Variants in HIPK2 observed in about 807,000 individuals in gnomAD.
The protein encoded by HIPK2 is homeodomain interacting protein kinase 2, also known as homeodomain-interacting protein kinase 2.
In HIPK2, 27 loss-of-function variants were observed where a neutral mutation model predicts 113.7. The observed-to-expected ratio is 0.24, with a 90% confidence interval of 0.17 to 0.33. The LOEUF is 0.33. Among genes scored for constraint, HIPK2 ranks in the 10% least tolerant of loss-of-function variants. The pLI, the probability that HIPK2 is intolerant of heterozygous loss-of-function variation, is 1.00. For missense variants in HIPK2, 1,257 were observed against 1,588.0 expected (o/e 0.79, Z 3.54); for synonymous variants, 631 against 642.2 (o/e 0.98, Z 0.26).
chr7:139,561,793 C>G lies in HIPK2; in HGVS notation c.*11134G>C, dbSNP rs1797956375. The G allele has an allele frequency of 6.8e-6, 1 of 147,612 alleles. No homozygotes were observed. The highest frequency in any genetic ancestry group is 2.5e-5 in the African/African-American group (1 of 40,508). 9.1% of individuals were successfully genotyped at this position (147,612 alleles called of 1,614,324 possible). A position where few individuals can be genotyped will look rare whatever the true frequency, so the allele number is the denominator to read the frequency against. ...TCTCACCCTACAGTTAGTAATATTA[C>G]AATTAAAATAACTATATTCTTCTAT... On this transcript the variant is annotated 3_prime_UTR_variant, in exon 15 of 15. Transcript: ENST00000406875.
intron 1 of HIPK2, among the ~76,000 whole-genome samples, chr7:139,773,839 T>C (rs1371527997): frequency 1.3e-5 from 2 of 152,194 alleles, no homozygotes; most frequent in East Asian, 3.9e-4. Flanking sequence ...TGTTTAGGAA[T>C]GGATCTTGGT....
rs774696621 is a variant in HIPK2, at chr7:139,613,109, C to G, written c.2112+93G>C. ...ATGACTAGAAGCACCTAACTCATTA[C>G]TAGGGAGAGAGGGAGTGGAGATATA... On this transcript the variant is annotated intron_variant, in intron 9 of 14. Transcript: ENST00000406875. The surrounding 1 kb of genome is among the most constrained non-coding windows in gnomAD (Gnocchi z 4.2). 2.7e-6 allele frequency: 4 copies of G among 1,465,940 alleles called. No individual in the cohort carries two copies. Among genetic ancestry groups the G allele is most frequent in the Non-Finnish European group, 3.7e-6 (4 of 1,075,370 alleles). The allele number at this position is 1,465,940 out of a possible 1,614,324, so 90.8% of individuals were successfully genotyped here.
At chr7:139,662,089 G>A (rs1262081741) in intron 2 of HIPK2, among the ~76,000 whole-genome samples, 2 of 152,146 alleles carry the variant, frequency 1.3e-5, no homozygotes, top group Non-Finnish European at 2.9e-5. Flanking sequence ...ACCCACAAAC[G>A]TGCTAAAAAG....
intron 10 of HIPK2, 25 bp from the exon 11 acceptor site, chr7:139,600,621 G>A (rs1434741034): frequency 6.2e-7 from 1 of 1,611,372 alleles, no homozygotes; most frequent in African/African-American, 1.3e-5. Flanking sequence ...GGACAACAAG[G>A]TGCCTTAGAG....
intron 2 of HIPK2, among the ~76,000 whole-genome samples, chr7:139,656,700 T>C (rs1473232617): frequency 2.0e-5 from 3 of 152,226 alleles, no homozygotes; most frequent in Non-Finnish European, 2.9e-5. Context: ...CATGTTTTTC[T>C]GTGTTCAGTT....
chr7:139,762,264 T>C (rs1796477477), intron 1 of HIPK2, among the ~76,000 whole-genome samples: 1 of 152,200 alleles, frequency 6.6e-6, no homozygotes, highest in Non-Finnish European at 1.5e-5. Flanking sequence ...GTGGCAACAC[T>C]GTAGAAAGAA....
intron 1 of HIPK2, among the ~76,000 whole-genome samples, chr7:139,727,918 A>C (rs1448647388): frequency 1.3e-5 from 2 of 150,968 alleles, no homozygotes; most frequent in Non-Finnish European, 2.9e-5. Flanking sequence ...TTTTTGAAAC[A>C]AGAGTGGCAT....
intron 13 of HIPK2, among the ~76,000 whole-genome samples, chr7:139,583,371 G>A (rs1798731904): frequency 6.6e-6 from 1 of 152,184 alleles, no homozygotes; most frequent in African/African-American, 2.4e-5. Flanking sequence ...AGGAGGGGCT[G>A]AGAGGGGCCA....
At chr7:139,608,363 T>TATATATAC (rs997563464) in intron 9 of HIPK2, among the ~76,000 whole-genome samples, 2 of 138,254 alleles carry the variant, frequency 1.4e-5, no homozygotes, top group East Asian at 1.9e-4. Flanking sequence ...TATATGTGTA[T>TATATATAC]ATATATACAT....
chr7:139,577,673 A>T (rs1166101008), intron 13 of HIPK2, among the ~76,000 whole-genome samples: 1 of 152,192 alleles, frequency 6.6e-6, no homozygotes, highest in Non-Finnish European at 1.5e-5. Context: ...TTAAACGCTA[A>T]AGAACAGTAG....
In HIPK2 at chr7:139,629,012, C is replaced by T. The variant is rs1232821696; in HGVS notation, c.1375G>A (p.Gly459Arg). 1.9e-6 allele frequency: 3 copies of T among 1,593,576 alleles called. No homozygotes were observed. Among genetic ancestry groups the T allele is most frequent in the Non-Finnish European group, 1.7e-6 (2 of 1,168,336 alleles). Residue 459 changes from glycine (G) to arginine (R), a missense_variant, in exon 5 of 15, where the codon GGG becomes AGG. This residue lies in a region of HIPK2 where 862 missense variants were observed against 1,004.3 expected (regional missense o/e 0.86). Transcript: ENST00000406875. ...TTTCTTGCTTCTTTTGACTTAATCC[C>T]TGTCTCTGCTTCATGGTCATCTGGT... ...KTPDDHEAET[G>R]IKSKEARKYI...
intron 1 of HIPK2, among the ~76,000 whole-genome samples, chr7:139,721,595 G>A (rs530534896): frequency 6.6e-6 from 1 of 152,212 alleles, no homozygotes; most frequent in African/African-American, 2.4e-5. Context: ...GCTACTTCCC[G>A]CCTCATTTGT....
intron 12 of HIPK2, among the ~76,000 whole-genome samples, chr7:139,591,780 G>A (rs1442157304): frequency 6.6e-6 from 1 of 152,242 alleles, no homozygotes; most frequent in Non-Finnish European, 1.5e-5. Flanking sequence ...AGACACCAAA[G>A]TTCCTTCAAA....
chr7:139,612,482 G>C (rs1233632116), intron 9 of HIPK2, among the ~76,000 whole-genome samples: 1 of 152,172 alleles, frequency 6.6e-6, no homozygotes. Flanking sequence ...TGATGAGCAA[G>C]TTATTCTGCT....
At chr7:139,582,132 G>A (rs1018281214) in intron 13 of HIPK2, among the ~76,000 whole-genome samples, 6 of 152,192 alleles carry the variant, frequency 3.9e-5, no homozygotes, top group Admixed American at 3.9e-4. Context: ...TTGCCCGGGT[G>A]GAAAAAGATG....
chr7:139,730,430 G>A (rs1331117190), intron 1 of HIPK2, among the ~76,000 whole-genome samples: 2 of 149,850 alleles, frequency 1.3e-5, no homozygotes, highest in South Asian at 2.1e-4. Context: ...GTGAGATCTC[G>A]GCTCACTGCA....
intron 2 of HIPK2, among the ~76,000 whole-genome samples, chr7:139,681,982 C>T (rs1295902712): frequency 2.6e-5 from 4 of 152,148 alleles, no homozygotes; most frequent in Non-Finnish European, 5.9e-5. Flanking sequence ...CACAGTGGAG[C>T]CCTCGGATCT....
chr7:139,684,979 C>G (rs1794173363), intron 2 of HIPK2, among the ~76,000 whole-genome samples: 1 of 152,008 alleles, frequency 6.6e-6, no homozygotes, highest in African/African-American at 2.4e-5. Flanking sequence ...TCTGTGGAAG[C>G]TAAGAGAGGT....
intron 1 of HIPK2, among the ~76,000 whole-genome samples, chr7:139,760,398 T>C (rs1465321378): frequency 1.3e-5 from 2 of 152,176 alleles, no homozygotes; most frequent in African/African-American, 2.4e-5. Flanking sequence ...AGAAACTGAA[T>C]GATATGAGCC....
Sources: gnomAD v4.1 joint callset for allele counts (sites outside exome capture counted in the v4.1 genomes callset) on GRCh38, gnomAD v4.1.1 for gene constraint, gnomAD v4.1.1 regional missense constraint, Gnocchi (gnomAD v3.1) non-coding constraint, MANE v1.5 for transcripts, NCBI Gene and HGNC (gene_info 2026-07-23, HGNC 2026-07-21) for gene names.